The following GALNT18 variants were observed in gnomAD, a reference collection of about 807,000 sequenced individuals.
The protein encoded by GALNT18 is GalNAc-transferase 18.
In GALNT18, 44 loss-of-function variants were observed where a neutral mutation model predicts 69.5. That is an observed-to-expected ratio of 0.63 (90% CI 0.50 to 0.81). The LOEUF is 0.81. Ranked by LOEUF, GALNT18 falls within the 40% of genes least tolerant of loss-of-function variation. GALNT18 has a pLI of 0.00. For missense variants in GALNT18, 715 were observed against 810.0 expected (o/e 0.88, Z 1.42); for synonymous variants, 364 against 318.2 (o/e 1.14, Z -1.53).
chr11:11,295,718 T>C (rs1178379633), intron 9 of GALNT18, among the ~76,000 whole-genome samples: 1 of 152,130 alleles, frequency 6.6e-6, no homozygotes, highest in East Asian at 1.9e-4. Context: ...GTGGTCACTT[T>C]ACAAGTTATC....
At chr11:11,593,884 A>C (rs1859423889) in intron 1 of GALNT18, among the ~76,000 whole-genome samples, 1 of 152,258 alleles carries the variant, frequency 6.6e-6, no homozygotes, top group Non-Finnish European at 1.5e-5. Context: ...TGCTCATTGG[A>C]ATATGATTCC....
intron 9 of GALNT18, among the ~76,000 whole-genome samples, chr11:11,297,717 T>C (rs1190642457): frequency 6.6e-6 from 1 of 152,146 alleles, no homozygotes; most frequent in African/African-American, 2.4e-5. Flanking sequence ...GGTGAGCTGT[T>C]ATCCTGCCTG....
At chr11:11,301,862 G>A (rs1425096095) in intron 9 of GALNT18, among the ~76,000 whole-genome samples, 1 of 152,184 alleles carries the variant, frequency 6.6e-6, no homozygotes, top group Non-Finnish European at 1.5e-5. Context: ...CATGCAGGAG[G>A]ATGGGTAGAA....
At chr11:11,565,327 C>G (rs547467815) in intron 1 of GALNT18, among the ~76,000 whole-genome samples, 1 of 152,310 alleles carries the variant, frequency 6.6e-6, no homozygotes, top group East Asian at 1.9e-4. Context: ...TTACCACAGT[C>G]TGGAAAAGAG....
chr11:11,379,453 A>G (rs971148701), intron 3 of GALNT18, among the ~76,000 whole-genome samples, 189 bp from the exon 4 acceptor site: 4 of 152,154 alleles, frequency 2.6e-5, no homozygotes, highest in Non-Finnish European at 4.4e-5. Context: ...AATAGAGGGG[A>G]ATATTTCCTG....
At position 11,531,048 on chromosome 11, in the gene GALNT18, C is replaced by A. The variant is rs776564756; in HGVS notation, c.236-82112G>T. 1.7e-4 allele frequency among the ~76,000 whole-genome samples: 26 copies of A among 152,240 alleles called. 1 individual carries two copies. Among genetic ancestry groups the A allele is most frequent in the Admixed American group, 2.0e-4 (3 of 15,290 alleles). The stretch of plus-strand genomic sequence containing the variant: ...GCCTGCTCTGAGGACAAGCCCCCTG[C>A]CTGCAATAGGCCTTTGCCGGCTGCC... On this transcript the variant is annotated intron_variant, in intron 1 of 10. Transcript: ENST00000227756.
chr11:11,273,018 A>C (rs1269232929), intron 10 of GALNT18, among the ~76,000 whole-genome samples: 1 of 152,182 alleles, frequency 6.6e-6, no homozygotes, highest in Non-Finnish European at 1.5e-5. Flanking sequence ...ATCTCTCGCT[A>C]TATATGAAAA....
rs1854085844 is a variant in GALNT18, at chr11:11,387,528, GT to G, written c.596-8265del. On this transcript the variant is annotated intron_variant, in intron 3 of 10. Coordinates refer to ENST00000227756, the MANE Select transcript of GALNT18 (RefSeq NM_198516.3). This position sits in a 1 kb window ranked among gnomAD's most constrained non-coding sequence, Gnocchi z 4.6. ...TGGTGCTAATTTAAAGATTAAAAGT[GT>G]GTTTATTCCTTTCCAAGTGAAAAGT... Among the ~76,000 whole-genome samples, 1 of 152,200 alleles carries G rather than the reference GT, an allele frequency of 6.6e-6. No homozygotes were observed. Among genetic ancestry groups the G allele is most frequent in the African/African-American group, 2.4e-5 (1 of 41,450 alleles).
chr11:11,425,412 A>T (rs1203242105), intron 3 of GALNT18, among the ~76,000 whole-genome samples: 1 of 152,242 alleles, frequency 6.6e-6, no homozygotes, highest in Non-Finnish European at 1.5e-5. Flanking sequence ...AGGCACTGCC[A>T]ACCCAGAGCA....
chr11:11,411,128 C>T (rs1165550523), intron 3 of GALNT18, among the ~76,000 whole-genome samples: 3 of 152,086 alleles, frequency 2.0e-5, no homozygotes, highest in African/African-American at 7.2e-5. Flanking sequence ...TCCTGGGCAA[C>T]ACAGCAAGAC....
chr11:11,321,885 G>A (rs371054190), intron 9 of GALNT18, among the ~76,000 whole-genome samples: 11 of 152,204 alleles, frequency 7.2e-5, no homozygotes, highest in African/African-American at 2.2e-4. Flanking sequence ...GATTACAGGC[G>A]TGAGCCACCA....
Position 11,480,500 on chromosome 11 carries a change from G to A in GALNT18, c.236-31564C>T, listed in dbSNP as rs949853856. Reference sequence around the variant, plus strand: ...TCACACTGCCTTCTGAGCTGCAGTGGTCCATGAAGCACGTTGTGAACGTAT... The same window carrying A: ...TCACACTGCCTTCTGAGCTGCAGTGATCCATGAAGCACGTTGTGAACGTAT... On this transcript the variant is annotated intron_variant, in intron 1 of 10. Coordinates refer to ENST00000227756, the MANE Select transcript of GALNT18 (RefSeq NM_198516.3). The surrounding 1 kb of genome is among the most constrained non-coding windows in gnomAD (Gnocchi z 4.6). 6.6e-6 allele frequency among the ~76,000 whole-genome samples: 1 copy of A among 152,134 alleles called. No individual in the cohort carries two copies. Among genetic ancestry groups the A allele is most frequent in the Non-Finnish European group, 1.5e-5 (1 of 68,028 alleles).
At chr11:11,599,526 T>C (rs1206824168) in intron 1 of GALNT18, among the ~76,000 whole-genome samples, 1 of 152,054 alleles carries the variant, frequency 6.6e-6, no homozygotes, top group Admixed American at 6.6e-5. Flanking sequence ...CAGTGTGTAG[T>C]TGCATCTTGT....
rs143812431 is a variant in GALNT18, at chr11:11,595,881, A to C, written c.235+25478T>G. On this transcript the variant is annotated intron_variant, in intron 1 of 10. Transcript: ENST00000227756. This position sits in a 1 kb window ranked among gnomAD's most constrained non-coding sequence, Gnocchi z 5.2. ...TTGAATAGTATTCTTTGATATACAA[A>C]GTTTTAAATTTGATCAAATCCAATT... Among the ~76,000 whole-genome samples the C allele has an allele frequency of 6.5e-3, 991 of 152,314 alleles. 15 individuals are homozygous for C. Among genetic ancestry groups the C allele is most frequent in the African/African-American group, 0.023 (940 of 41,566 alleles).
intron 10 of GALNT18, among the ~76,000 whole-genome samples, chr11:11,275,497 C>G (rs1458191719): frequency 6.6e-6 from 1 of 152,196 alleles, no homozygotes; most frequent in African/African-American, 2.4e-5. Flanking sequence ...CCTGTTCACT[C>G]TGATGATTTC....
chr11:11,373,878 G>A (rs1237998698), intron 5 of GALNT18, among the ~76,000 whole-genome samples: 1 of 152,238 alleles, frequency 6.6e-6, no homozygotes, highest in Non-Finnish European at 1.5e-5. Flanking sequence ...CTTGGTGGCA[G>A]TGGGGGAATA....
chr11:11,485,844 G>A (rs1000094217), intron 1 of GALNT18, among the ~76,000 whole-genome samples: 1 of 152,234 alleles, frequency 6.6e-6, no homozygotes, highest in African/African-American at 2.4e-5. Flanking sequence ...GAAACCTTGT[G>A]TGGTAAAGGG....
In GALNT18 at chr11:11,617,193, T is replaced by TA. The variant is rs1860075446; in HGVS notation, c.235+4165dup. Among the ~76,000 whole-genome samples, 1 of 152,220 alleles carries TA rather than the reference T, an allele frequency of 6.6e-6. No homozygotes were observed. ...AATGAATGTACATTTTGGAAAACAT[T>TA]AAAATAAAAATATTTAATTGTATGT... On this transcript the variant is annotated intron_variant, in intron 1 of 10. Transcript: ENST00000227756. The surrounding 1 kb of genome is among the most constrained non-coding windows in gnomAD (Gnocchi z 4.7).
chr11:11,293,321 T>C (rs964274529), intron 9 of GALNT18, 128 bp from the exon 10 acceptor site: 54 of 580,850 alleles, frequency 9.3e-5, no homozygotes, highest in Middle Eastern at 3.5e-4. Flanking sequence ...AGTCTTCACA[T>C]CCAGTGGCCT....
Sources: gnomAD v4.1 joint callset for allele counts (sites outside exome capture counted in the v4.1 genomes callset) on GRCh38, gnomAD v4.1.1 for gene constraint, Gnocchi (gnomAD v3.1) non-coding constraint, MANE v1.5 for transcripts, NCBI Gene and HGNC (gene_info 2026-07-23, HGNC 2026-07-21) for gene names.